The following ZNF804B variants were observed in gnomAD, a reference collection of about 807,000 sequenced individuals.
ZNF804B encodes zinc finger protein 804B.
A neutral mutation model predicts 101.4 loss-of-function variants in ZNF804B; 80 were observed. The observed-to-expected ratio is 0.79, with a 90% CI of 0.66 to 0.95. The LOEUF (loss-of-function observed/expected upper bound fraction) is 0.95, where lower values mean the gene tolerates loss of function less well. ZNF804B is among the 40% of genes least tolerant of loss of function. ZNF804B has a pLI of 0.00. For synonymous variants in ZNF804B, 622 were observed against 558.8 expected, an observed-to-expected ratio of 1.11 and a Z score of -1.59; for missense variants, 1,673 against 1,561.9, an observed-to-expected ratio of 1.07 and a Z score of -1.20.
intron 1 of ZNF804B, among the ~76,000 whole-genome samples, chr7:89,171,314 T>TTCCTCTTCCTCTTCC (rs1791225119): frequency 8.2e-6 from 1 of 121,320 alleles, no homozygotes; most frequent in Non-Finnish European, 1.8e-5. Flanking sequence ...CTTCTTCTTC[T>TTCCTCTTCCTCTTCC]TCTTCTTCTT....
chr7:88,935,372 A>T (rs1332373386), intron 1 of ZNF804B, among the ~76,000 whole-genome samples: 1 of 87,864 alleles, frequency 1.1e-5, no homozygotes, highest in African/African-American at 6.3e-5. Context: ...AAGTAATTAA[A>T]AAAAAAAAAA....
intron 1 of ZNF804B, among the ~76,000 whole-genome samples, chr7:88,797,370 C>T (rs1178934420): frequency 6.6e-6 from 1 of 152,116 alleles, no homozygotes; most frequent in African/African-American, 2.4e-5. Flanking sequence ...GAGTGTGAAA[C>T]CATAAGCCCT....
chr7:88,822,416 T>C (rs1435593785), intron 1 of ZNF804B, among the ~76,000 whole-genome samples: 1 of 152,238 alleles, frequency 6.6e-6, no homozygotes, highest in Non-Finnish European at 1.5e-5. Context: ...TAGTTATCGC[T>C]AAATACAGCC....
intron 1 of ZNF804B, among the ~76,000 whole-genome samples, chr7:89,037,138 A>G (rs1788940954): frequency 6.6e-6 from 1 of 152,136 alleles, no homozygotes; most frequent in Non-Finnish European, 1.5e-5. Flanking sequence ...AAAAAGAAAA[A>G]AATATTCCTC....
intron 1 of ZNF804B, among the ~76,000 whole-genome samples, chr7:89,184,540 T>A (rs2115593247): frequency 6.6e-6 from 1 of 152,336 alleles, no homozygotes; most frequent in African/African-American, 2.4e-5. Flanking sequence ...GTTCATGTGA[T>A]TTCATGCTTT....
intron 1 of ZNF804B, among the ~76,000 whole-genome samples, chr7:88,867,159 T>G (rs760824345): frequency 5.3e-5 from 8 of 152,164 alleles, no homozygotes; most frequent in Non-Finnish European, 1.0e-4. Context: ...ATTAGGGTTC[T>G]CCAGAGAGAC....
chr7:89,072,838 T>A (rs2116300282), intron 1 of ZNF804B, among the ~76,000 whole-genome samples: 1 of 152,256 alleles, frequency 6.6e-6, no homozygotes, highest in South Asian at 2.1e-4. Flanking sequence ...ATTGCAAATG[T>A]GAGCTCATTT....
At chr7:88,894,989 C>T (rs1471327535) in intron 1 of ZNF804B, among the ~76,000 whole-genome samples, 1 of 152,138 alleles carries the variant, frequency 6.6e-6, no homozygotes, top group Non-Finnish European at 1.5e-5. Context: ...TTAATGTATA[C>T]ACTTTAAGAA....
rs1436110571 is a variant in ZNF804B at position 89,335,812 on chromosome 7, G to A, written c.2830G>A (p.Val944Ile). Residue 944 changes from valine (V) to isoleucine (I), a missense_variant, in exon 4 of 4, where the codon GTT (valine) becomes ATT (isoleucine). Val to Ile is a conservative substitution (Grantham distance 29). Transcript: ENST00000333190. ...GAAATGTCAAGAACAATCAAGTAAT[G>A]TTGAGATCTCTTCAAACAGTTGTAA... is the stretch of plus-strand genomic sequence containing the variant. ...AKKCQEQSSN[V>I]EISSNSCKSE... 1.2e-6 allele frequency: 2 copies of A among 1,614,050 alleles called. No homozygotes were observed. The highest frequency in any genetic ancestry group is 1.7e-6 in the Non-Finnish European group (2 of 1,179,976).
intron 1 of ZNF804B, among the ~76,000 whole-genome samples, chr7:89,094,163 C>T (rs541116087): frequency 7.8e-4 from 119 of 152,312 alleles, no homozygotes; most frequent in African/African-American, 2.8e-3. Flanking sequence ...AGATATCATT[C>T]TAGGCCATTT....
At chr7:89,224,992 T>C (rs1789064498) in intron 2 of ZNF804B, among the ~76,000 whole-genome samples, 1 of 152,066 alleles carries the variant, frequency 6.6e-6, no homozygotes, top group African/African-American at 2.4e-5. Context: ...ATCAAGTAGT[T>C]TCCTTCTACC....
chr7:88,918,559 C>T (rs1202827590), intron 1 of ZNF804B, among the ~76,000 whole-genome samples: 4 of 152,200 alleles, frequency 2.6e-5, no homozygotes, highest in African/African-American at 9.6e-5. Flanking sequence ...AAGATTTAAA[C>T]ACTCATAATG....
rs73386665 is a variant in ZNF804B, at chr7:89,316,772, C to T, written c.250-10572C>T. Among the ~76,000 whole-genome samples, 537 of 152,318 alleles carry T rather than the reference C, an allele frequency of 3.5e-3. 5 individuals are homozygous for T. The highest frequency in any genetic ancestry group is 0.012 in the African/African-American group (515 of 41,566). ...AGTCTGCACTCATCCACACAACCCA[C>T]TCTTTTATGTGGTCTTTACTTAAAA... On this transcript the variant is annotated intron_variant, in intron 2 of 3. Coordinates refer to ENST00000333190, the MANE Select transcript of ZNF804B (RefSeq NM_181646.5).
At chr7:89,066,788 G>A (rs1466334059) in intron 1 of ZNF804B, among the ~76,000 whole-genome samples, 2 of 151,932 alleles carry the variant, frequency 1.3e-5, no homozygotes, top group Admixed American at 1.3e-4. Flanking sequence ...TTGAGACGGA[G>A]TTTTGCTCTT....
At chr7:89,298,195 C>CA (rs1562940113) in intron 2 of ZNF804B, among the ~76,000 whole-genome samples, 24 of 36,880 alleles carry the variant, frequency 6.5e-4, no homozygotes, top group African/African-American at 1.9e-3. Flanking sequence ...GTATATATAT[C>CA]TATATAGTGT....
At chr7:89,061,892 A>G (rs886349807) in intron 1 of ZNF804B, among the ~76,000 whole-genome samples, 3 of 151,820 alleles carry the variant, frequency 2.0e-5, no homozygotes, top group East Asian at 1.9e-4. Context: ...CTCTCTCCCA[A>G]TCACCTCCTC....
intron 1 of ZNF804B, among the ~76,000 whole-genome samples, chr7:89,045,812 A>G (rs1789095440): frequency 6.6e-6 from 1 of 152,108 alleles, no homozygotes; most frequent in Non-Finnish European, 1.5e-5. Flanking sequence ...CTTGTCTCAG[A>G]TGAGACTTTG....
intron 1 of ZNF804B, among the ~76,000 whole-genome samples, chr7:89,079,204 G>A: frequency 6.6e-6 from 1 of 152,042 alleles, no homozygotes; most frequent in East Asian, 1.9e-4. Flanking sequence ...GGTTCTTGCA[G>A]TTGTTCTAGA....
At chr7:88,985,755 C>CA (rs1793750543) in intron 1 of ZNF804B, among the ~76,000 whole-genome samples, 2 of 152,184 alleles carry the variant, frequency 1.3e-5, no homozygotes, top group African/African-American at 4.8e-5. Flanking sequence ...TTTTAACAGG[C>CA]AGAGTAACCA....
Sources: allele counts gnomAD v4.1 joint callset (sites outside exome capture counted in the v4.1 genomes callset), GRCh38; gene constraint gnomAD v4.1.1; transcripts MANE v1.5; gene names NCBI Gene and HGNC (gene_info 2026-07-23, HGNC 2026-07-21).